SIL1: variants seen among roughly 807,000 people sequenced by gnomAD.
SIL1 encodes the protein nucleotide exchange factor SIL1.
SIL1 carries 40 observed loss-of-function variants against 49.1 expected under a neutral mutation model. The ratio of observed to expected loss-of-function variants is 0.81; its 90% CI spans 0.63 to 1.06. SIL1 has a LOEUF of 1.06. Among genes scored for constraint, SIL1 ranks in the 50% least tolerant of loss-of-function variants. The pLI, the probability that SIL1 is intolerant of heterozygous loss-of-function variation, is 0.00. For missense variants in SIL1, 500 were observed against 572.6 expected (o/e 0.87, Z 1.29); for synonymous variants, 253 against 250.8 (o/e 1.01, Z -0.08).
At chr5:139,008,097 C>A (rs1198231114) in intron 7 of SIL1, among the ~76,000 whole-genome samples, 3 of 151,626 alleles carry the variant, frequency 2.0e-5, no homozygotes, top group Admixed American at 2.0e-4. Flanking sequence ...GTCCTGGACT[C>A]TTTTTGGTTG....
chr5:139,021,798 G>T, intron 6 of SIL1: 2 of 170,528 alleles, frequency 1.2e-5, no homozygotes, highest in Non-Finnish European at 1.2e-5. Context: ...GGGGAGGGGG[G>T]AATAACAATA....
intron 5 of SIL1, among the ~76,000 whole-genome samples, chr5:139,037,370 T>C (rs1394783376): frequency 6.6e-6 from 1 of 152,186 alleles, no homozygotes; most frequent in Non-Finnish European, 1.5e-5. Context: ...TATGAATCTG[T>C]GAGTTTATGC....
At chr5:139,120,341 G>A (rs1750598375) in intron 3 of SIL1, among the ~76,000 whole-genome samples, 1 of 152,158 alleles carries the variant, frequency 6.6e-6, no homozygotes, top group Admixed American at 6.5e-5. Context: ...TTAGCTGGAT[G>A]ACATAGGACA....
chr5:138,982,491 TAAC>T (rs755344116), intron 7 of SIL1, among the ~76,000 whole-genome samples: 3 of 152,230 alleles, frequency 2.0e-5, no homozygotes, highest in African/African-American at 4.8e-5. Context: ...TCACTGTTAA[TAAC>T]AACAACAACT....
chr5:139,167,145 C>A (rs568811622), intron 1 of SIL1, among the ~76,000 whole-genome samples: 1 of 151,610 alleles, frequency 6.6e-6, no homozygotes, highest in East Asian at 1.9e-4. Context: ...ACTACTAACA[C>A]GGTTTCGCCA....
At chr5:139,108,506 C>T (rs1770774978) in intron 3 of SIL1, among the ~76,000 whole-genome samples, 1 of 152,138 alleles carries the variant, frequency 6.6e-6, no homozygotes, top group Non-Finnish European at 1.5e-5. Context: ...ATTCATGTGG[C>T]ACATGGTGTG....
At chr5:139,036,720 G>C (rs1768920891) in intron 5 of SIL1, among the ~76,000 whole-genome samples, 1 of 152,124 alleles carries the variant, frequency 6.6e-6, no homozygotes, top group Non-Finnish European at 1.5e-5. Flanking sequence ...ATAGGGAGGG[G>C]ATCAGGAAAA....
chr5:139,081,566 G>T (rs1770079856), intron 3 of SIL1, among the ~76,000 whole-genome samples: 1 of 152,290 alleles, frequency 6.6e-6, no homozygotes, highest in Middle Eastern at 3.4e-3. Flanking sequence ...AGCCTCCGTA[G>T]ACTATGTGAA....
Position 139,042,635 on chromosome 5 carries a change from A to T in SIL1, c.438T>A (p.Ser146Arg). The change falls in exon 5 of 10, where the codon AGT becomes AGA. Residue 146 changes from serine to arginine, a missense_variant. Coordinates refer to ENST00000394817, the MANE Select transcript of SIL1 (RefSeq NM_022464.5). ...AKFKEGAEMESSKEDKARQAE... is the reference protein window; with the variant it reads ...AKFKEGAEMERSKEDKARQAE... The stretch of plus-strand genomic sequence containing the variant: ...AATCACACACCTTGTCTTCCTTTGA[A>T]CTCTCCATCTCTGCCCCCTCCTTGA... 1 of 1,613,736 alleles carries T rather than the reference A, an allele frequency of 6.2e-7. No homozygotes were observed. Among genetic ancestry groups the T allele is most frequent in the Non-Finnish European group, 8.5e-7 (1 of 1,179,924 alleles).
intron 1 of SIL1, among the ~76,000 whole-genome samples, chr5:139,166,309 C>T (rs78669962): frequency 6.6e-6 from 1 of 152,154 alleles, no homozygotes; most frequent in Non-Finnish European, 1.5e-5. Context: ...ATTCCTATCA[C>T]CTAGTATTTA....
chr5:139,049,000 A>G (rs1408569659), intron 4 of SIL1, among the ~76,000 whole-genome samples: 1 of 152,248 alleles, frequency 6.6e-6, no homozygotes, highest in South Asian at 2.1e-4. Flanking sequence ...ATTTTCTAAC[A>G]GTGAAAACTG....
chr5:139,088,852 C>G (rs1486606533), intron 3 of SIL1, among the ~76,000 whole-genome samples: 1 of 152,218 alleles, frequency 6.6e-6, no homozygotes, highest in East Asian at 1.9e-4. Flanking sequence ...GAACTCCTCA[C>G]TGGGATGCAC....
intron 3 of SIL1, among the ~76,000 whole-genome samples, chr5:139,051,888 A>G (rs977722487): frequency 2.0e-5 from 3 of 152,362 alleles, no homozygotes; most frequent in African/African-American, 7.2e-5. Context: ...AATGCTACAC[A>G]CATTCATTCA....
At chr5:139,027,115 C>T (rs371968647) in intron 5 of SIL1, 123 bp from the exon 6 acceptor site, 14 of 879,430 alleles carry the variant, frequency 1.6e-5, no homozygotes, top group African/African-American at 5.0e-5. Flanking sequence ...CTTCTCTCAT[C>T]TATGCTATCA....
chr5:139,073,645 T>C (rs556089930), intron 3 of SIL1, among the ~76,000 whole-genome samples: 170 of 152,232 alleles, frequency 1.1e-3, no homozygotes, highest in Non-Finnish European at 1.8e-3. Flanking sequence ...GTAACTATAG[T>C]TAATAATATA....
rs1581087097 is a variant in SIL1 at position 139,083,926 on chromosome 5, A to G, written c.245-32880T>C. ...CTAGCCAGTTTTCCCAGCACCATTT[A>G]TTAAATAGGGAATCCTTTCCCCATT... On this transcript the variant is annotated intron_variant, in intron 3 of 9. Coordinates refer to ENST00000394817, the MANE Select transcript of SIL1 (RefSeq NM_022464.5). Among the ~76,000 whole-genome samples the G allele has an allele frequency of 7.0e-5, 6 of 86,126 alleles. No individual in the cohort carries two copies. In the South Asian group the frequency reaches 2.5e-3, roughly 36 times the overall value. The allele number at this position is 86,126 out of a possible 152,430, so 56.5% of individuals were successfully genotyped here. A position where few individuals can be genotyped will look rare whatever the true frequency, so the allele number is the denominator to read the frequency against.
chr5:139,196,030 A>G lies in SIL1; in HGVS notation c.-11+2239T>C, dbSNP rs118018190. 6.3e-3 allele frequency among the ~76,000 whole-genome samples: 952 copies of G among 152,252 alleles called. 7 individuals carry two copies. The highest frequency in any genetic ancestry group is 0.017 in the African/African-American group (695 of 41,548). On this transcript the variant is annotated intron_variant, in intron 1 of 9. Coordinates refer to ENST00000394817, the MANE Select transcript of SIL1 (RefSeq NM_022464.5). ...CGAGACCCTGTCTCTACAAAAATTAAAATTACAAAATTAGCTGGGCCTGGT... is the reference window on the plus strand; with the variant it reads ...CGAGACCCTGTCTCTACAAAAATTAGAATTACAAAATTAGCTGGGCCTGGT...
At chr5:138,959,801 C>CCT (rs1766979770) in intron 7 of SIL1, among the ~76,000 whole-genome samples, 1 of 152,236 alleles carries the variant, frequency 6.6e-6, no homozygotes, top group Non-Finnish European at 1.5e-5. Context: ...GGCCTGGCTG[C>CCT]CTCTGCCCCA....
chr5:139,067,675 ACACT>A (rs1205981177), intron 3 of SIL1, among the ~76,000 whole-genome samples: 2 of 152,274 alleles, frequency 1.3e-5, no homozygotes, highest in African/African-American at 4.8e-5. Flanking sequence ...ACATACATAA[ACACT>A]CATACCTTGA....
Sources: gnomAD v4.1 joint callset for allele counts (sites outside exome capture counted in the v4.1 genomes callset) on GRCh38, gnomAD v4.1.1 for gene constraint, MANE v1.5 for transcripts, NCBI Gene and HGNC (gene_info 2026-07-23, HGNC 2026-07-21) for gene names.